The following KIF5C variants were observed in gnomAD, a reference collection of about 807,000 sequenced individuals.
The protein encoded by KIF5C is kinesin heavy chain isoform 5C.
A neutral mutation model predicts 125.2 loss-of-function variants in KIF5C; 18 were observed. The observed-to-expected ratio is 0.14, with a 90% confidence interval of 0.10 to 0.21. The LOEUF (loss-of-function observed/expected upper bound fraction) is 0.21, where lower values mean the gene tolerates loss of function less well. Among genes scored for constraint, KIF5C ranks in the 10% least tolerant of loss-of-function variants. The pLI is 1.00. For missense variants in KIF5C, 780 were observed against 1,183.8 expected, an observed-to-expected ratio of 0.66 and a Z score of 5.01; for synonymous variants, 405 against 434.0, an observed-to-expected ratio of 0.93 and a Z score of 0.83.
At chr2:148,938,128 A>G (rs1682330761) in intron 4 of KIF5C, among the ~76,000 whole-genome samples, 1 of 152,182 alleles carries the variant, frequency 6.6e-6, no homozygotes, top group African/African-American at 2.4e-5. Context: ...ATTCATTGGA[A>G]CACCTCTTTT....
chr2:148,993,432 A>G (rs1475877994), intron 16 of KIF5C, among the ~76,000 whole-genome samples: 1 of 152,222 alleles, frequency 6.6e-6, no homozygotes, highest in Non-Finnish European at 1.5e-5. Context: ...CAAAGATTCG[A>G]CCATTATTTC....
intron 1 of KIF5C, among the ~76,000 whole-genome samples, chr2:148,884,519 G>A (rs927598101): frequency 1.3e-5 from 2 of 152,076 alleles, no homozygotes; most frequent in African/African-American, 4.8e-5. Flanking sequence ...TTATCAACCA[G>A]TTTTAACCAT....
intron 1 of KIF5C, among the ~76,000 whole-genome samples, chr2:148,885,152 A>G (rs1264935317): frequency 6.6e-6 from 1 of 151,896 alleles, no homozygotes; most frequent in Non-Finnish European, 1.5e-5. Flanking sequence ...TGCTTGACTA[A>G]TTTTTTGTAT....
intron 4 of KIF5C, among the ~76,000 whole-genome samples, chr2:148,940,221 A>G (rs1682375810): frequency 6.6e-6 from 1 of 152,236 alleles, no homozygotes; most frequent in African/African-American, 2.4e-5. Context: ...GAGGTCAGAC[A>G]GACCCATAAG....
intron 1 of KIF5C, among the ~76,000 whole-genome samples, chr2:148,903,793 A>T (rs943393791): frequency 6.6e-6 from 1 of 152,196 alleles, no homozygotes; most frequent in Non-Finnish European, 1.5e-5. Context: ...GGCAGTCTGA[A>T]TTTAACCTGT....
At chr2:148,877,820 T>G (rs1681236564) in intron 1 of KIF5C, 1 of 151,964 alleles carries the variant, frequency 6.6e-6, no homozygotes, top group Non-Finnish European at 1.5e-5. Flanking sequence ...TAAATCATCT[T>G]CCTTGACCTG....
intron 12 of KIF5C, among the ~76,000 whole-genome samples, chr2:148,976,310 C>T (rs1681070396): frequency 6.6e-6 from 1 of 151,262 alleles, no homozygotes; most frequent in South Asian, 2.1e-4. Flanking sequence ...CGCTCTGTCA[C>T]TCAGGCTGGA....
Position 148,946,392 on chromosome 2 carries a change from G to A in KIF5C, c.590-507G>A, listed in dbSNP as rs148832543. ...TTTAATTTTTGAAACCTTCTTTGCT[G>A]TTAGCATAGGTTGTAGAAGTGTATG... On this transcript the variant is annotated intron_variant, in intron 7 of 25. Transcript: ENST00000435030. Among the ~76,000 whole-genome samples, 31 of 152,284 alleles carry A rather than the reference G, an allele frequency of 2.0e-4. 1 individual carries two copies. The East Asian group carries it at 5.0e-3, about 25-fold the overall frequency.
intron 17 of KIF5C, among the ~76,000 whole-genome samples, chr2:148,997,034 T>C (rs1403431677): frequency 7.2e-5 from 11 of 152,162 alleles, no homozygotes; most frequent in Admixed American, 7.2e-4. Flanking sequence ...CCAGTAAGCA[T>C]TGTCCCCTGC....
At chr2:148,901,112 C>T (rs1032048953) in intron 1 of KIF5C, among the ~76,000 whole-genome samples, 6 of 152,006 alleles carry the variant, frequency 3.9e-5, no homozygotes, top group Non-Finnish European at 7.4e-5. Flanking sequence ...CGAGATGTTG[C>T]GAGGATATCT....
intron 6 of KIF5C, 49 bp from the exon 7 acceptor site, chr2:148,942,624 G>C: frequency 6.4e-7 from 1 of 1,568,076 alleles, no homozygotes; most frequent in Non-Finnish European, 8.7e-7. Context: ...TCAAAATATT[G>C]TTGCTTTTCA....
chr2:149,001,033 A>G (rs1463807505), intron 21 of KIF5C, among the ~76,000 whole-genome samples: 5 of 152,160 alleles, frequency 3.3e-5, no homozygotes, highest in Non-Finnish European at 7.4e-5. Flanking sequence ...CAACTTAGCA[A>G]TTTTACAGCC....
At chr2:148,887,408 G>C (rs6760207) in intron 1 of KIF5C, among the ~76,000 whole-genome samples, 1 of 151,836 alleles carries the variant, frequency 6.6e-6, no homozygotes, top group Non-Finnish European at 1.5e-5. Flanking sequence ...GATATATGGA[G>C]AGTCTATTGT....
At chr2:148,880,285 TA>T (rs1230781018) in intron 1 of KIF5C, among the ~76,000 whole-genome samples, 2 of 152,178 alleles carry the variant, frequency 1.3e-5, no homozygotes, top group Non-Finnish European at 2.9e-5. Flanking sequence ...CACATTCAGC[TA>T]ATTTTTGTAT....
chr2:148,903,597 A>G (rs1680986258), intron 1 of KIF5C, among the ~76,000 whole-genome samples: 1 of 152,218 alleles, frequency 6.6e-6, no homozygotes, highest in Non-Finnish European at 1.5e-5. Context: ...GGCTAGATGC[A>G]GTGATCGAAT....
intron 14 of KIF5C, 101 bp downstream of exon 14, chr2:148,981,662 AAT>A (rs1256527536): frequency 1.7e-5 from 25 of 1,453,842 alleles, no homozygotes; most frequent in Non-Finnish European, 2.1e-5. Flanking sequence ...GCAGTGGCTG[AAT>A]AGTTATTCAG....
chr2:149,010,048 C>A, intron 23 of KIF5C, 87 bp from the exon 24 acceptor site: 1 of 1,461,412 alleles, frequency 6.8e-7, no homozygotes, highest in Non-Finnish European at 9.1e-7. Context: ...GCCACCTGTT[C>A]AGCAGCAGGG....
At chr2:148,966,337 AGTGT>A (rs747467791) in intron 11 of KIF5C, among the ~76,000 whole-genome samples, 163 of 150,156 alleles carry the variant, frequency 1.1e-3, no homozygotes, top group Non-Finnish European at 1.6e-3. Flanking sequence ...TGTGTAGCAA[AGTGT>A]GTGTGTGTGT....
At chr2:148,916,154 G>A (rs897160903) in intron 1 of KIF5C, among the ~76,000 whole-genome samples, 1 of 152,204 alleles carries the variant, frequency 6.6e-6, no homozygotes, top group South Asian at 2.1e-4. Context: ...TTACATGGAA[G>A]TGGTGGAGAG....
Sources: allele counts gnomAD v4.1 joint callset (sites outside exome capture counted in the v4.1 genomes callset), GRCh38; gene constraint gnomAD v4.1.1; transcripts MANE v1.5; gene names NCBI Gene and HGNC (gene_info 2026-07-23, HGNC 2026-07-21).